MTR: variants seen among roughly 807,000 people sequenced by gnomAD.
MTR encodes the protein methionine synthase.
In MTR, 84 loss-of-function variants were observed where a neutral mutation model predicts 154.8. That is an observed-to-expected ratio of 0.54 (90% CI 0.45 to 0.65). MTR has a LOEUF of 0.65. Among genes scored for constraint, MTR ranks in the 30% least tolerant of loss-of-function variants. The pLI is 0.00. For synonymous variants in MTR, 554 were observed against 553.9 expected, an observed-to-expected ratio of 1.00 and a Z score of 0.00; for missense variants, 1,275 against 1,570.2, an observed-to-expected ratio of 0.81 and a Z score of 3.18.
At chr1:236,896,439 A>T (rs1329254788) in intron 31 of MTR, among the ~76,000 whole-genome samples, 1 of 152,092 alleles carries the variant, frequency 6.6e-6, no homozygotes, top group East Asian at 1.9e-4. Context: ...TAGCTGGGCG[A>T]CCTCTGGCAA....
intron 16 of MTR, among the ~76,000 whole-genome samples, chr1:236,850,964 C>T (rs761121153): frequency 7.2e-5 from 11 of 152,206 alleles, no homozygotes; most frequent in Non-Finnish European, 1.0e-4. Context: ...TTTCCAGTTA[C>T]ACCTCATTCT....
intron 22 of MTR, 26 bp downstream of exon 22, chr1:236,863,580 A>T: frequency 2.5e-6 from 4 of 1,584,104 alleles, no homozygotes; most frequent in Non-Finnish European, 3.5e-6. Context: ...ACCTCTTTCA[A>T]CCCCTTTTCC....
intron 22 of MTR, among the ~76,000 whole-genome samples, chr1:236,864,082 C>A (rs1296586172): frequency 6.6e-6 from 1 of 152,158 alleles, no homozygotes; most frequent in African/African-American, 2.4e-5. Flanking sequence ...AAACCCCTTT[C>A]TATCTTATTA....
chr1:236,862,189 G>T, intron 20 of MTR, 47 bp from the exon 21 acceptor site: 3 of 1,510,254 alleles, frequency 2.0e-6, no homozygotes, highest in Non-Finnish European at 2.8e-6. Context: ...ATCAGCAGTT[G>T]TTCCTGTGGT....
chr1:236,801,877 T>G (rs1660718252), intron 1 of MTR, among the ~76,000 whole-genome samples: 1 of 152,200 alleles, frequency 6.6e-6, no homozygotes, highest in African/African-American at 2.4e-5. Context: ...CTGGTAGTGG[T>G]GCACAGGATG....
Position 236,838,459 on chromosome 1 carries a change from G to T in MTR, c.1375G>T (p.Gly459Trp). The T allele has an allele frequency of 6.2e-7, 1 of 1,614,098 alleles. No individual in the cohort carries two copies. Among genetic ancestry groups the T allele is most frequent in the African/African-American group, 1.3e-5 (1 of 75,020 alleles). The change falls in exon 15 of 33, where the codon GGG becomes TGG. Residue 459 changes from glycine to tryptophan, a missense_variant. Physicochemically the swap from Gly to Trp is radical, Grantham distance 184. Coordinates refer to ENST00000366577, the MANE Select transcript of MTR (RefSeq NM_000254.3). The stretch of plus-strand genomic sequence containing the variant: ...CTCCAATTTTGCTGTGATTGAAGCT[G>T]GGTTAAAGTGCTGCCAAGGGAAGTG... ...DSSNFAVIEA[G>W]LKCCQGKCIV...
At chr1:236,819,332 A>G (rs1356156273) in intron 8 of MTR, among the ~76,000 whole-genome samples, 1 of 152,204 alleles carries the variant, frequency 6.6e-6, no homozygotes, top group Non-Finnish European at 1.5e-5. Context: ...CCAGAATGGT[A>G]TATAGTTGAG....
At position 236,841,019 on chromosome 1, in the gene MTR, ATAGT is replaced by A. The variant is rs1349262299; in HGVS notation, c.1515+2424_1515+2427del. Among the ~76,000 whole-genome samples the A allele has an allele frequency of 1.1e-4, 17 of 152,336 alleles. No individual in the cohort carries two copies. The East Asian group carries it at 1.5e-3, about 14-fold the overall frequency. On this transcript the variant is annotated intron_variant, in intron 15 of 32. Coordinates refer to ENST00000366577, the MANE Select transcript of MTR (RefSeq NM_000254.3). ...CTTTTGATAATTGTATTTTCTGCAAATAGTTAGACAAATAGTTCCGTAAACAAAA... is the reference window on the plus strand; with the variant it reads ...CTTTTGATAATTGTATTTTCTGCAAATAGACAAATAGTTCCGTAAACAAAA...
intron 25 of MTR, among the ~76,000 whole-genome samples, chr1:236,884,778 G>A (rs1245380761): frequency 1.3e-5 from 2 of 152,014 alleles, no homozygotes; most frequent in Admixed American, 1.3e-4. Context: ...CATGAGCGAA[G>A]GTCCCCCACC....
chr1:236,833,905 C>T (rs1441673614), intron 13 of MTR, among the ~76,000 whole-genome samples: 2 of 152,124 alleles, frequency 1.3e-5, no homozygotes, highest in African/African-American at 4.8e-5. Flanking sequence ...CCATCCATTC[C>T]CCATTAGTCA....
Position 236,903,055 on chromosome 1 carries a change from G to T in MTR, c.*5411G>T, listed in dbSNP as rs768287892. The T allele has an allele frequency of 6.6e-6, 1 of 152,172 alleles. No homozygotes were observed. Among genetic ancestry groups the T allele is most frequent in the African/African-American group, 2.4e-5 (1 of 41,442 alleles). 9.4% of individuals were successfully genotyped at this position (152,172 alleles called of 1,614,324 possible). ...AGGCTGAGGTGGGAGGATCGGTTGAGGCCAGGAGTTTGAGGCTGCAGTGAG... is the reference window on the plus strand; with the variant it reads ...AGGCTGAGGTGGGAGGATCGGTTGATGCCAGGAGTTTGAGGCTGCAGTGAG... On this transcript the variant is annotated 3_prime_UTR_variant, in exon 33 of 33. Transcript: ENST00000366577.
intron 8 of MTR, among the ~76,000 whole-genome samples, chr1:236,821,441 A>C (rs1458058843): frequency 6.6e-6 from 1 of 152,212 alleles, no homozygotes; most frequent in Non-Finnish European, 1.5e-5. Flanking sequence ...GGCATGGACA[A>C]ACCACATCCA....
intron 6 of MTR, among the ~76,000 whole-genome samples, chr1:236,813,080 T>G (rs1392299752): frequency 3.9e-5 from 6 of 152,238 alleles, no homozygotes; most frequent in Non-Finnish European, 8.8e-5. Flanking sequence ...TTTTCATATA[T>G]AGCTAGTATA....
intron 3 of MTR, 26 bp from the exon 4 acceptor site, chr1:236,808,678 G>A: frequency 1.9e-6 from 3 of 1,608,320 alleles, no homozygotes; most frequent in Non-Finnish European, 2.6e-6. Context: ...AGAAGGACAA[G>A]CTAACGTTTG....
intron 15 of MTR, among the ~76,000 whole-genome samples, chr1:236,848,815 T>C (rs1159509357): frequency 1.3e-5 from 2 of 152,184 alleles, no homozygotes; most frequent in Non-Finnish European, 2.9e-5. Context: ...TGAAAAAGAA[T>C]ACCAAAGTAG....
intron 1 of MTR, among the ~76,000 whole-genome samples, chr1:236,798,977 A>C (rs1266219558): frequency 1.3e-5 from 2 of 152,218 alleles, no homozygotes; most frequent in Non-Finnish European, 2.9e-5. Context: ...CTACTGGAAA[A>C]ACTGGAGGAA....
intron 15 of MTR, among the ~76,000 whole-genome samples, chr1:236,842,778 A>T (rs1002738564): frequency 4.1e-5 from 4 of 97,736 alleles, no homozygotes; most frequent in Non-Finnish European, 7.5e-5. Context: ...TTTAAAAAAA[A>T]AAGATGTATA....
At chr1:236,840,206 G>T (rs190545334) in intron 15 of MTR, among the ~76,000 whole-genome samples, 1 of 152,208 alleles carries the variant, frequency 6.6e-6, no homozygotes, top group Admixed American at 6.5e-5. Context: ...GACTGCAAAA[G>T]AGAGATAGTT....
intron 29 of MTR, among the ~76,000 whole-genome samples, chr1:236,893,964 T>C (rs1558346739): frequency 6.6e-6 from 1 of 151,996 alleles, no homozygotes; most frequent in Non-Finnish European, 1.5e-5. Flanking sequence ...CTTTTGAACA[T>C]GGTGCTGGAC....
Sources: gnomAD v4.1 joint callset for allele counts (sites outside exome capture counted in the v4.1 genomes callset) on GRCh38, gnomAD v4.1.1 for gene constraint, MANE v1.5 for transcripts, NCBI Gene and HGNC (gene_info 2026-07-23, HGNC 2026-07-21) for gene names.